The following PAX3 variants were observed in gnomAD, a reference collection of about 807,000 sequenced individuals.
PAX3 encodes paired box protein Pax-3.
PAX3 carries 14 observed loss-of-function variants against 51.6 expected under a neutral mutation model. The ratio of observed to expected loss-of-function variants is 0.27; its 90% CI spans 0.18 to 0.42. The LOEUF is 0.42. Ranked by LOEUF, PAX3 falls within the 10% of genes least tolerant of loss-of-function variation. PAX3 has a pLI of 1.00. For synonymous variants in PAX3, 280 were observed against 253.4 expected (o/e 1.11, Z -1.00); for missense variants, 540 against 642.8 (o/e 0.84, Z 1.73).
intron 4 of PAX3, among the ~76,000 whole-genome samples, chr2:222,275,955 G>A (rs755799180): frequency 2.2e-4 from 33 of 152,236 alleles, no homozygotes; most frequent in Non-Finnish European, 4.6e-4. Context: ...CTAAGTGTGA[G>A]CCATTAGGGC....
At chr2:222,217,076 C>T (rs912560307) in intron 7 of PAX3, among the ~76,000 whole-genome samples, 1 of 152,138 alleles carries the variant, frequency 6.6e-6, no homozygotes, top group Admixed American at 6.5e-5. Context: ...CTACTTTCTA[C>T]TTTCTCAATT....
chr2:222,221,319 G>A lies in PAX3; in HGVS notation c.861C>T (p.Asn287=). 6 of 1,613,964 alleles carry A rather than the reference G, an allele frequency of 3.7e-6. No individual in the cohort carries two copies. The highest frequency in any genetic ancestry group is 5.1e-6 in the Non-Finnish European group (6 of 1,179,944). ...GAGGGAACCCCCCGGGAATGAGATG[G>A]TTGAAAGCCATCAGTTGATTGGCCC... ...QAGANQLMAF[N]HLIPGGFPPT... Residue 287 remains asparagine (N), a synonymous_variant, in exon 6 of 9, where the codon AAC becomes AAT. Coordinates refer to ENST00000392070, the MANE Select transcript of PAX3 (RefSeq NM_181458.4).
At chr2:222,269,270 T>C (rs918881790) in intron 4 of PAX3, among the ~76,000 whole-genome samples, 6 of 152,228 alleles carry the variant, frequency 3.9e-5, no homozygotes, top group African/African-American at 9.6e-5. Context: ...TGAAAAGGCC[T>C]GTTGAATGCG....
chr2:222,295,625 A>C lies in PAX3; in HGVS notation c.354T>G (p.Ile118Met), dbSNP rs1695255643. 3 of 1,613,880 alleles carry C rather than the reference A, an allele frequency of 1.9e-6. No individual in the cohort carries two copies. Among genetic ancestry groups the C allele is most frequent in the Non-Finnish European group, 2.5e-6 (3 of 1,180,010 alleles). Residue 118 changes from isoleucine (I) to methionine (M), a missense_variant, in exon 3 of 9, where the codon ATT becomes ATG. This residue lies in a region of PAX3 where 427 missense variants were observed against 483.6 expected (regional missense o/e 0.88). Coordinates refer to ENST00000392070, the MANE Select transcript of PAX3 (RefSeq NM_181458.4). ...CCGGGTTCTCTCTTTTGTATTCCTC[A>C]ATTTTCTTCTCCACGTCAGGCGTTG... ...QVTTPDVEKK[I>M]EEYKRENPGM... is the part of the protein sequence containing the mutation.
At chr2:222,269,342 T>TGGCC (rs776411204) in intron 4 of PAX3, among the ~76,000 whole-genome samples, 12 of 152,212 alleles carry the variant, frequency 7.9e-5, no homozygotes, top group Non-Finnish European at 1.6e-4. Context: ...ACTTCAAAGA[T>TGGCC]GGCCCGCATT....
intron 4 of PAX3, among the ~76,000 whole-genome samples, chr2:222,246,327 A>C (rs2106118479): frequency 6.6e-6 from 1 of 152,332 alleles, no homozygotes; most frequent in Admixed American, 6.5e-5. Context: ...CCAACATTTA[A>C]AGAAACTACT....
chr2:222,239,370 G>A (rs544498750), intron 4 of PAX3, among the ~76,000 whole-genome samples: 1 of 152,154 alleles, frequency 6.6e-6, no homozygotes, highest in East Asian at 1.9e-4. Context: ...GGTTGAAATG[G>A]ATACACAGTA....
At chr2:222,252,782 A>G (rs1693486779) in intron 4 of PAX3, among the ~76,000 whole-genome samples, 1 of 152,120 alleles carries the variant, frequency 6.6e-6, no homozygotes, top group Non-Finnish European at 1.5e-5. Context: ...AACTTAATTT[A>G]TGAATTAATT....
intron 4 of PAX3, among the ~76,000 whole-genome samples, chr2:222,255,589 T>C (rs190321980): frequency 9.8e-5 from 15 of 152,354 alleles, no homozygotes; most frequent in African/African-American, 3.4e-4. Flanking sequence ...CTTGGCATTT[T>C]ACATATAGGA....
Position 222,200,719 on chromosome 2 carries a change from T to A in PAX3, c.*689A>T, listed in dbSNP as rs1691256093. 1 of 253,710 alleles carries A rather than the reference T, an allele frequency of 3.9e-6. No homozygotes were observed. Among genetic ancestry groups the A allele is most frequent in the Non-Finnish European group, 7.7e-6 (1 of 129,704 alleles). The allele number at this position is 253,710 out of a possible 1,614,324, so 15.7% of individuals were successfully genotyped here. On this transcript the variant is annotated 3_prime_UTR_variant, in exon 9 of 9. Transcript: ENST00000392070. The stretch of plus-strand genomic sequence containing the variant: ...GGAAAGGGAAACAAGTCCTTCTTCC[T>A]GGTAGCCCATATCCTGTTAGCAAGA...
At chr2:222,292,752 C>T (rs1472149184) in intron 4 of PAX3, among the ~76,000 whole-genome samples, 1 of 152,186 alleles carries the variant, frequency 6.6e-6, no homozygotes, top group Non-Finnish European at 1.5e-5. Flanking sequence ...CAGAAAAATG[C>T]ACCTCTCCAA....
intron 4 of PAX3, among the ~76,000 whole-genome samples, chr2:222,240,137 T>G (rs984552882): frequency 3.3e-5 from 5 of 152,098 alleles, no homozygotes; most frequent in Non-Finnish European, 5.9e-5. Context: ...CCTGCTGCCC[T>G]GGGAGGAGAG....
At chr2:222,253,638 T>C (rs1206203471) in intron 4 of PAX3, among the ~76,000 whole-genome samples, 1 of 152,080 alleles carries the variant, frequency 6.6e-6, no homozygotes, top group African/African-American at 2.4e-5. Flanking sequence ...CTTTTCTTTT[T>C]TTTTTTTCTT....
At chr2:222,296,695 T>A (rs1695315013) in intron 2 of PAX3, among the ~76,000 whole-genome samples, 1 of 152,214 alleles carries the variant, frequency 6.6e-6, no homozygotes, top group Non-Finnish European at 1.5e-5. Flanking sequence ...TAGGTGTTTA[T>A]CCATTAAAAT....
intron 4 of PAX3, among the ~76,000 whole-genome samples, chr2:222,284,612 CGTGTGTGT>C (rs71053066): frequency 1.3e-4 from 19 of 150,340 alleles, no homozygotes; most frequent in South Asian, 2.1e-4. Context: ...TGTCTGTGTG[CGTGTGTGT>C]GTGTGTGTGT....
intron 4 of PAX3, among the ~76,000 whole-genome samples, chr2:222,285,884 T>C (rs6436309): frequency 0.88 from 133,639 of 152,276 alleles, 58,818 homozygotes; most frequent in East Asian, 1. Context: ...CTCCCTCAAT[T>C]CTATGTTGGT....
At chr2:222,297,608 C>T (rs1695373578) in intron 1 of PAX3, among the ~76,000 whole-genome samples, 1 of 152,188 alleles carries the variant, frequency 6.6e-6, no homozygotes, top group South Asian at 2.1e-4. Context: ...CCCACCGATC[C>T]CTGTCCAATT....
intron 4 of PAX3, among the ~76,000 whole-genome samples, chr2:222,269,280 G>T (rs957652422): frequency 2.6e-5 from 4 of 152,058 alleles, no homozygotes; most frequent in African/African-American, 9.7e-5. Context: ...TGTTGAATGC[G>T]CACAGTCCAT....
At chr2:222,246,973 A>T (rs1444481799) in intron 4 of PAX3, among the ~76,000 whole-genome samples, 1 of 152,244 alleles carries the variant, frequency 6.6e-6, no homozygotes, top group African/African-American at 2.4e-5. Flanking sequence ...GGGCTGAGAC[A>T]AATGCACATA....
Sources: allele counts gnomAD v4.1 joint callset (sites outside exome capture counted in the v4.1 genomes callset), GRCh38; gene constraint gnomAD v4.1.1; regional missense constraint gnomAD v4.1.1; transcripts MANE v1.5; gene names NCBI Gene and HGNC (gene_info 2026-07-23, HGNC 2026-07-21).